The following GRB2 variants were observed in gnomAD, a reference collection of about 807,000 sequenced individuals.
GRB2 encodes growth factor receptor bound protein 2.
Under a neutral mutation model 27.4 loss-of-function variants are expected in GRB2, and 2 were observed. That is an observed-to-expected ratio of 0.07 (90% CI 0.03 to 0.23). The LOEUF (loss-of-function observed/expected upper bound fraction) is 0.23. Among genes scored for constraint, GRB2 ranks in the 10% least tolerant of loss-of-function variants. The pLI is 1.00. For synonymous variants in GRB2, 94 were observed against 99.6 expected (o/e 0.94, Z 0.33); for missense variants, 102 against 282.4 (o/e 0.36, Z 4.58).
At position 75,320,129 on chromosome 17, in the gene GRB2, AG is replaced by A. The variant is rs1382694381; in HGVS notation, c.*238del. 4.4e-6 allele frequency: 2 copies of A among 451,136 alleles called. No individual in the cohort carries two copies. The highest frequency in any genetic ancestry group is 3.9e-5 in the African/African-American group (2 of 51,304). The allele number at this position is 451,136 out of a possible 1,614,324, so 27.9% of individuals were successfully genotyped here. On this transcript the variant is annotated 3_prime_UTR_variant, in exon 6 of 6. Coordinates refer to ENST00000316804, the MANE Select transcript of GRB2 (RefSeq NM_002086.5). The surrounding 1 kb of genome is among the most constrained non-coding windows in gnomAD (Gnocchi z 4.3). ...AAAAAGACAAAGGAGGGGAAAGAGG[AG>A]CAGCAGTGAAAATTTGTAATAAAAA... is the stretch of plus-strand genomic sequence containing the variant.
intron 2 of GRB2, among the ~76,000 whole-genome samples, chr17:75,376,487 T>C (rs2078894646): frequency 6.6e-6 from 1 of 150,534 alleles, no homozygotes; most frequent in African/African-American, 2.4e-5. Flanking sequence ...CACTGCTGCA[T>C]TTCAGCCTGG....
chr17:75,338,885 C>T (rs1386252802), intron 2 of GRB2: 3 of 825,874 alleles, frequency 3.6e-6, no homozygotes, highest in Non-Finnish European at 4.2e-6. Flanking sequence ...AAGCATCAAC[C>T]CCACAAAGTG....
At chr17:75,353,297 G>C (rs753715317) in intron 2 of GRB2, among the ~76,000 whole-genome samples, 24 of 151,906 alleles carry the variant, frequency 1.6e-4, no homozygotes, top group Admixed American at 5.9e-4. Context: ...GGCCCTCTGC[G>C]TAAGTGGGCT....
At chr17:75,380,598 C>T (rs1346321484) in intron 2 of GRB2, among the ~76,000 whole-genome samples, 1 of 152,154 alleles carries the variant, frequency 6.6e-6, no homozygotes, top group Non-Finnish European at 1.5e-5. Context: ...GTCTGTCTTC[C>T]CATCTTGTTC....
intron 2 of GRB2, among the ~76,000 whole-genome samples, chr17:75,375,660 T>A (rs554447902): frequency 6.6e-6 from 1 of 152,162 alleles, no homozygotes; most frequent in East Asian, 1.9e-4. Flanking sequence ...GGCAGGCAGA[T>A]TAACTGAGGC....
chr17:75,382,367 T>C (rs967324972), intron 2 of GRB2, among the ~76,000 whole-genome samples: 1 of 152,222 alleles, frequency 6.6e-6, no homozygotes, highest in Admixed American at 6.5e-5. Flanking sequence ...ATGTTACTGC[T>C]AATAATTAAT....
intron 2 of GRB2, among the ~76,000 whole-genome samples, chr17:75,343,510 A>G (rs1249210520): frequency 6.6e-6 from 1 of 152,202 alleles, no homozygotes; most frequent in African/African-American, 2.4e-5. Flanking sequence ...TTTCTCTGAG[A>G]AATATTTTAG....
intron 2 of GRB2, among the ~76,000 whole-genome samples, chr17:75,355,489 T>A (rs1425245780): frequency 1.3e-5 from 2 of 152,040 alleles, no homozygotes; most frequent in African/African-American, 4.8e-5. Context: ...GTGAATACAT[T>A]TATCCATCAC....
In GRB2 at chr17:75,393,860, G is replaced by A. The variant is rs61764597; in HGVS notation, c.-137-95C>T. 620 of 533,992 alleles carry A rather than the reference G, an allele frequency of 1.2e-3. 6 individuals are homozygous for A. Among genetic ancestry groups the A allele is most frequent in the African/African-American group, 0.012 (566 of 49,044 alleles). The allele number at this position is 533,992 out of a possible 1,614,324, so 33.1% of individuals were successfully genotyped here. ...TGCTGTCCCAGCCCCCACGCCCCCT[G>A]GCTCGGCCTGGCTCAGCCCTCCTCC... On this transcript the variant is annotated intron_variant, in intron 1 of 5. Coordinates refer to ENST00000316804, the MANE Select transcript of GRB2 (RefSeq NM_002086.5).
At chr17:75,388,545 G>C (rs893062784) in intron 2 of GRB2, among the ~76,000 whole-genome samples, 7 of 146,158 alleles carry the variant, frequency 4.8e-5, no homozygotes, top group Admixed American at 3.4e-4. Context: ...AAAATAAATG[G>C]TTCTACAGAG....
chr17:75,378,009 C>T (rs1339366687), intron 2 of GRB2, among the ~76,000 whole-genome samples: 1 of 152,184 alleles, frequency 6.6e-6, no homozygotes, highest in African/African-American at 2.4e-5. Context: ...CTTCCCAGGT[C>T]GATTCTCATT....
chr17:75,365,430 A>T (rs56121535), intron 2 of GRB2, among the ~76,000 whole-genome samples: 1,651 of 152,348 alleles, frequency 0.011, 13 homozygotes, highest in Non-Finnish European at 0.018. Flanking sequence ...AATGGTACAG[A>T]AAAGTCAGCT....
At chr17:75,362,356 T>C (rs551274674) in intron 2 of GRB2, among the ~76,000 whole-genome samples, 1 of 152,360 alleles carries the variant, frequency 6.6e-6, no homozygotes, top group East Asian at 1.9e-4. Context: ...ATCTGTGCTT[T>C]ATGCATGAAG....
At chr17:75,384,454 A>T (rs974785572) in intron 2 of GRB2, among the ~76,000 whole-genome samples, 7 of 151,920 alleles carry the variant, frequency 4.6e-5, no homozygotes, top group African/African-American at 1.7e-4. Flanking sequence ...GGATCGCCTG[A>T]GGTCGGGAGT....
intron 1 of GRB2, among the ~76,000 whole-genome samples, chr17:75,404,566 G>A (rs1350883675): frequency 6.6e-6 from 1 of 151,734 alleles, no homozygotes; most frequent in Non-Finnish European, 1.5e-5. Flanking sequence ...GGGAGGAAGG[G>A]GCAAATGACT....
At chr17:75,356,701 T>G (rs1337190057) in intron 2 of GRB2, among the ~76,000 whole-genome samples, 1 of 152,162 alleles carries the variant, frequency 6.6e-6, no homozygotes, top group East Asian at 1.9e-4. Flanking sequence ...ACCAATCAGC[T>G]CCTGTTGCTG....
chr17:75,333,995 G>A (rs1319659107), intron 2 of GRB2, among the ~76,000 whole-genome samples: 1 of 152,136 alleles, frequency 6.6e-6, no homozygotes, highest in Non-Finnish European at 1.5e-5. Flanking sequence ...GCCATGCATA[G>A]GCTAGGCCAT....
intron 3 of GRB2, among the ~76,000 whole-genome samples, chr17:75,330,136 C>A (rs1437646295): frequency 1.3e-5 from 2 of 152,030 alleles, no homozygotes; most frequent in Non-Finnish European, 2.9e-5. Context: ...GTAATCCCAG[C>A]ACTTTGGGAG....
At chr17:75,353,297 G>A (rs753715317) in intron 2 of GRB2, among the ~76,000 whole-genome samples, 3 of 151,906 alleles carry the variant, frequency 2.0e-5, no homozygotes, top group South Asian at 2.1e-4. Context: ...GGCCCTCTGC[G>A]TAAGTGGGCT....
Sources: gnomAD v4.1 joint callset for allele counts (sites outside exome capture counted in the v4.1 genomes callset) on GRCh38, gnomAD v4.1.1 for gene constraint, Gnocchi (gnomAD v3.1) non-coding constraint, MANE v1.5 for transcripts, NCBI Gene and HGNC (gene_info 2026-07-23, HGNC 2026-07-21) for gene names.